The following CACNA1E variants were observed in gnomAD, a reference collection of about 807,000 sequenced individuals.
The protein encoded by CACNA1E is calcium voltage-gated channel subunit alpha1 E.
Under a neutral mutation model 259.2 loss-of-function variants are expected in CACNA1E, and 40 were observed. That is an observed-to-expected ratio of 0.15 (90% CI 0.12 to 0.20). The LOEUF is 0.20. CACNA1E is among the 10% of genes least tolerant of loss of function. CACNA1E has a pLI of 1.00. For synonymous variants in CACNA1E, 1,104 were observed against 1,138.5 expected, an observed-to-expected ratio of 0.97 and a Z score of 0.61; for missense variants, 1,874 against 3,040.1, an observed-to-expected ratio of 0.62 and a Z score of 9.02.
upstream of CACNA1E, among the ~76,000 whole-genome samples, chr1:181,480,791 A>G (rs1328110261): frequency 6.6e-6 from 1 of 152,210 alleles, no homozygotes; most frequent in African/African-American, 2.4e-5. Context: ...AAGGTTATAC[A>G]ATCTAGTATA....
chr1:181,400,041 C>A (rs1437591122), intron 1 of CACNA1E, among the ~76,000 whole-genome samples: 1 of 152,140 alleles, frequency 6.6e-6, no homozygotes, highest in Non-Finnish European at 1.5e-5. Flanking sequence ...GTACAGGTGA[C>A]CCAGATAAAT....
chr1:181,552,767 C>T (rs566352704), intron 3 of CACNA1E, among the ~76,000 whole-genome samples: 17 of 152,228 alleles, frequency 1.1e-4, no homozygotes, highest in Admixed American at 2.0e-4. Flanking sequence ...AATTCCCTCC[C>T]CTCGCCCCCA....
At chr1:181,751,981 G>C in intron 26 of CACNA1E, 162 bp from the exon 27 acceptor site, 1 of 704,378 alleles carries the variant, frequency 1.4e-6, no homozygotes, top group Non-Finnish European at 2.6e-6. Context: ...ATTTTTCGCA[G>C]GATGTCCCTG....
chr1:181,595,258 G>T (rs879491785), intron 6 of CACNA1E, among the ~76,000 whole-genome samples: 10 of 152,178 alleles, frequency 6.6e-5, no homozygotes, highest in Admixed American at 1.3e-4. Context: ...ATCCTTGAAT[G>T]AATGATCAAG....
chr1:181,795,144 G>C, intron 46 of CACNA1E, 100 bp downstream of exon 46: 2 of 1,007,012 alleles, frequency 2.0e-6, no homozygotes, highest in Non-Finnish European at 2.9e-6. Flanking sequence ...AAAGAATTCA[G>C]AGACAAGGGC....
At chr1:181,648,003 A>G (rs543902504) in intron 6 of CACNA1E, among the ~76,000 whole-genome samples, 36 of 151,708 alleles carry the variant, frequency 2.4e-4, no homozygotes, top group Non-Finnish European at 4.1e-4. Flanking sequence ...ATCTTCAAGA[A>G]CCCCCAGGGC....
At chr1:181,537,046 TG>T (rs1258574244) in intron 3 of CACNA1E, among the ~76,000 whole-genome samples, 1 of 151,150 alleles carries the variant, frequency 6.6e-6, no homozygotes, top group Non-Finnish European at 1.5e-5. Flanking sequence ...ACATTTAGAG[TG>T]GTCATATTCT....
At chr1:181,781,569 T>A in intron 39 of CACNA1E, 46 bp downstream of exon 39, 1 of 988,818 alleles carries the variant, frequency 1.0e-6, no homozygotes, top group South Asian at 1.4e-5. Context: ...CAACAGGAAA[T>A]GGGATCTAGT....
intron 5 of CACNA1E, 134 bp downstream of exon 5, chr1:181,579,358 T>A (rs1280868151): frequency 2.8e-6 from 2 of 717,534 alleles, no homozygotes; most frequent in African/African-American, 3.5e-5. Flanking sequence ...AAGCTTCTAG[T>A]CAGCAGCCTT....
At chr1:181,592,504 G>T in intron 6 of CACNA1E, among the ~76,000 whole-genome samples, 1 of 109,128 alleles carries the variant, frequency 9.2e-6, no homozygotes, top group African/African-American at 3.5e-5. Flanking sequence ...GGGGGGTGGG[G>T]GGTGGGGAAA....
At chr1:181,564,663 C>G (rs908342116) in intron 3 of CACNA1E, among the ~76,000 whole-genome samples, 1 of 152,172 alleles carries the variant, frequency 6.6e-6, no homozygotes, top group African/African-American at 2.4e-5. Flanking sequence ...CCAGAAGGTT[C>G]CAATTGACTG....
intron 2 of CACNA1E, among the ~76,000 whole-genome samples, chr1:181,427,316 C>A (rs1659357222): frequency 6.6e-6 from 1 of 151,164 alleles, no homozygotes; most frequent in Non-Finnish European, 1.5e-5. Flanking sequence ...TATCTCTACC[C>A]CTGCCCGTCC....
At chr1:181,424,152 A>G (rs989476633) in intron 2 of CACNA1E, among the ~76,000 whole-genome samples, 1 of 152,236 alleles carries the variant, frequency 6.6e-6, no homozygotes, top group Non-Finnish European at 1.5e-5. Flanking sequence ...GGTTATCACT[A>G]ACCAACAGCA....
At chr1:181,651,283 C>A in intron 6 of CACNA1E, 55 bp from the exon 7 acceptor site, 2 of 1,158,210 alleles carry the variant, frequency 1.7e-6, no homozygotes, top group Non-Finnish European at 2.6e-6. Context: ...AGAATGTAAG[C>A]TTTACTTATG....
chr1:181,774,575 TGTG>T (rs1174317899), intron 37 of CACNA1E, among the ~76,000 whole-genome samples: 4 of 152,248 alleles, frequency 2.6e-5, no homozygotes, highest in African/African-American at 9.6e-5. Context: ...CCATCACCTC[TGTG>T]GTGTGTCCCT....
At chr1:181,747,620 T>G (rs1243705743) in intron 25 of CACNA1E, among the ~76,000 whole-genome samples, 1 of 152,200 alleles carries the variant, frequency 6.6e-6, no homozygotes, top group Non-Finnish European at 1.5e-5. Flanking sequence ...TTGAACCTGA[T>G]AGAAATTTTA....
intron 7 of CACNA1E, among the ~76,000 whole-genome samples, chr1:181,686,971 C>T (rs1199203296): frequency 6.6e-6 from 1 of 151,980 alleles, no homozygotes; most frequent in Non-Finnish European, 1.5e-5. Flanking sequence ...TATTGTATTC[C>T]TACTGGCTCT....
intron 7 of CACNA1E, among the ~76,000 whole-genome samples, chr1:181,683,958 T>C (rs570892553): frequency 1.3e-5 from 2 of 152,242 alleles, no homozygotes; most frequent in Non-Finnish European, 2.9e-5. Context: ...ATATACAGAT[T>C]GCTCCTTCAG....
chr1:181,571,655 A>G (rs1650425704), intron 3 of CACNA1E, among the ~76,000 whole-genome samples: 3 of 152,212 alleles, frequency 2.0e-5, no homozygotes, highest in Non-Finnish European at 4.4e-5. Context: ...TCCTCATCAC[A>G]TGGGCTGGTT....
Sources: gnomAD v4.1 joint callset for allele counts (sites outside exome capture counted in the v4.1 genomes callset) on GRCh38, gnomAD v4.1.1 for gene constraint, MANE v1.5 for transcripts, NCBI Gene and HGNC (gene_info 2026-07-23, HGNC 2026-07-21) for gene names.